Variants in DLG2 observed in about 807,000 individuals in gnomAD.
DLG2 encodes disks large homolog 2.
In DLG2, 45 loss-of-function variants were observed where a neutral mutation model predicts 132.5. That is an observed-to-expected ratio of 0.34 (90% CI 0.27 to 0.44). The LOEUF is 0.44. Among genes scored for constraint, DLG2 ranks in the 20% least tolerant of loss-of-function variants. DLG2 has a pLI of 1.00. For missense variants in DLG2, 1,045 were observed against 1,196.9 expected (o/e 0.87, Z 1.87); for synonymous variants, 424 against 419.6 (o/e 1.01, Z -0.13).
At chr11:85,184,358 T>C (rs2079939376) in intron 4 of DLG2, among the ~76,000 whole-genome samples, 1 of 151,752 alleles carries the variant, frequency 6.6e-6, no homozygotes. Context: ...CTTTTTTTTT[T>C]TTTAGGAACA....
At chr11:85,277,731 T>C (rs1369502254) in intron 4 of DLG2, among the ~76,000 whole-genome samples, 1 of 152,194 alleles carries the variant, frequency 6.6e-6, no homozygotes, top group Non-Finnish European at 1.5e-5. Flanking sequence ...TTTTCTTCTT[T>C]ATAAATCAAG....
chr11:84,035,505 A>T (rs558094139), intron 11 of DLG2, among the ~76,000 whole-genome samples: 3 of 152,358 alleles, frequency 2.0e-5, no homozygotes, highest in African/African-American at 7.2e-5. Context: ...AGGCAGGAAC[A>T]TACTTAGAAC....
At chr11:85,519,825 T>C (rs2074135062) in intron 3 of DLG2, among the ~76,000 whole-genome samples, 1 of 152,096 alleles carries the variant, frequency 6.6e-6, no homozygotes, top group African/African-American at 2.4e-5. Context: ...GTAAGTCTCA[T>C]GAGACCTGAT....
At chr11:83,665,532 C>T (rs555566890) in intron 18 of DLG2, among the ~76,000 whole-genome samples, 2 of 152,284 alleles carry the variant, frequency 1.3e-5, no homozygotes, top group South Asian at 2.1e-4. Flanking sequence ...GCAGGGATGA[C>T]CTGAGGGATT....
chr11:85,618,571 T>C (rs773340796), intron 2 of DLG2, among the ~76,000 whole-genome samples: 5 of 152,114 alleles, frequency 3.3e-5, no homozygotes, highest in African/African-American at 1.2e-4. Context: ...TGGGTATACA[T>C]GGACATAAAG....
At chr11:85,609,739 C>T (rs965873631) in intron 2 of DLG2, among the ~76,000 whole-genome samples, 6 of 152,130 alleles carry the variant, frequency 3.9e-5, no homozygotes, top group East Asian at 1.9e-4. Context: ...GCCCCGGATA[C>T]GTTTAACCAT....
intron 8 of DLG2, among the ~76,000 whole-genome samples, chr11:84,170,951 T>C (rs547802270): frequency 5.9e-4 from 90 of 152,268 alleles, no homozygotes; most frequent in African/African-American, 2.0e-3. Flanking sequence ...GTGATATCTC[T>C]CTGACCTCTG....
chr11:84,172,132 T>C (rs1299161154), intron 8 of DLG2, among the ~76,000 whole-genome samples: 1 of 152,212 alleles, frequency 6.6e-6, no homozygotes, highest in African/African-American at 2.4e-5. Context: ...AAACACTTAG[T>C]AGTAAGCAAA....
intron 6 of DLG2, among the ~76,000 whole-genome samples, chr11:84,968,205 T>C (rs2053586290): frequency 6.6e-6 from 1 of 152,186 alleles, no homozygotes; most frequent in African/African-American, 2.4e-5. Flanking sequence ...AGAATAAAAT[T>C]ATATATGACA....
At chr11:84,926,422 C>T (rs1028767952) in intron 6 of DLG2, among the ~76,000 whole-genome samples, 1 of 151,856 alleles carries the variant, frequency 6.6e-6, no homozygotes, top group African/African-American at 2.4e-5. Context: ...CTTTAAATTA[C>T]AGTTTATTCA....
chr11:84,619,316 A>G (rs1057170470), intron 6 of DLG2, among the ~76,000 whole-genome samples: 3 of 151,902 alleles, frequency 2.0e-5, no homozygotes, highest in Non-Finnish European at 1.5e-5. Context: ...AAAATACTGC[A>G]TATCATATAT....
intron 15 of DLG2, among the ~76,000 whole-genome samples, chr11:83,915,109 G>A (rs1370175732): frequency 6.6e-6 from 1 of 152,130 alleles, no homozygotes; most frequent in African/African-American, 2.4e-5. Flanking sequence ...TTTTAGGAAG[G>A]AGCAGGCAAC....
chr11:84,220,587 A>G (rs2096898755), intron 8 of DLG2, among the ~76,000 whole-genome samples: 1 of 152,198 alleles, frequency 6.6e-6, no homozygotes, highest in Non-Finnish European at 1.5e-5. Flanking sequence ...AGGGAATAAC[A>G]TCAATCTTCT....
intron 3 of DLG2, among the ~76,000 whole-genome samples, chr11:85,573,699 T>C (rs1245119684): frequency 1.3e-5 from 2 of 152,218 alleles, no homozygotes; most frequent in Admixed American, 1.3e-4. Context: ...GTCCCGTTTT[T>C]ATTTAAATTA....
chr11:83,471,948 A>G (rs1285004659), intron 23 of DLG2, among the ~76,000 whole-genome samples: 1 of 151,694 alleles, frequency 6.6e-6, no homozygotes, highest in Non-Finnish European at 1.5e-5. Flanking sequence ...GGGAAAGGCA[A>G]TTGCAGTATC....
intron 9 of DLG2, among the ~76,000 whole-genome samples, chr11:84,119,980 A>C (rs2154200301): frequency 6.6e-6 from 1 of 152,320 alleles, no homozygotes; most frequent in Admixed American, 6.5e-5. Flanking sequence ...CTTTGCATTA[A>C]CTGATTATTT....
intron 2 of DLG2, 104 bp from the exon 3 acceptor site, chr11:85,598,892 A>G (rs2079963763): frequency 2.6e-6 from 1 of 391,062 alleles, no homozygotes; most frequent in Non-Finnish European, 4.5e-6. Flanking sequence ...ACATGAAATA[A>G]CTTAATAAAA....
chr11:85,565,974 T>C (rs1172080301), intron 3 of DLG2, among the ~76,000 whole-genome samples: 4 of 152,308 alleles, frequency 2.6e-5, no homozygotes, highest in Admixed American at 1.3e-4. Flanking sequence ...TCCAGCTATG[T>C]ATCAGGGTTC....
intron 21 of DLG2, among the ~76,000 whole-genome samples, chr11:83,491,247 A>T (rs1435693051): frequency 6.6e-6 from 1 of 151,904 alleles, no homozygotes; most frequent in Non-Finnish European, 1.5e-5. Context: ...AAATAAGAAA[A>T]AGAAGCAGAT....
Sources: allele counts gnomAD v4.1 joint callset (sites outside exome capture counted in the v4.1 genomes callset), GRCh38; gene constraint gnomAD v4.1.1; transcripts MANE v1.5; gene names NCBI Gene and HGNC (gene_info 2026-07-23, HGNC 2026-07-21).